Variants in WIZ observed in about 807,000 individuals in gnomAD.
WIZ encodes WIZ zinc finger.
Under a neutral mutation model 140.2 loss-of-function variants are expected in WIZ, and 25 were observed. That is an observed-to-expected ratio of 0.18 (90% CI 0.13 to 0.25). The LOEUF (loss-of-function observed/expected upper bound fraction) is 0.25. WIZ is among the 10% of genes least tolerant of loss of function. The probability of loss-of-function intolerance (pLI) is 1.00; values close to 1 mark genes in which losing one functional copy is unlikely to be tolerated. For synonymous variants in WIZ, 1,125 were observed against 1,154.3 expected (o/e 0.97, Z 0.51); for missense variants, 2,231 against 2,632.6 (o/e 0.85, Z 3.34).
chr19:15,444,723 A>G (rs1455064776), intron 2 of WIZ, among the ~76,000 whole-genome samples: 1 of 152,204 alleles, frequency 6.6e-6, no homozygotes, highest in African/African-American at 2.4e-5. Flanking sequence ...CAGGGGCTCT[A>G]GAGAACATGT....
At position 15,442,701 on chromosome 19, in the gene WIZ, A is replaced by G; in HGVS notation, c.253T>C (p.Ser85Pro). ...GLSEALPRVT[S>P]ATHRISSCCW... The stretch of plus-strand genomic sequence containing the variant: ...CAGCTGCTGATCCGATGGGTGGCGG[A>G]GGTGACACGGGGGAGGGCTTCGCTG... The change falls in exon 3 of 13, where the codon TCC becomes CCC. Residue 85 changes from serine (S) to proline (P), a missense_variant. Physicochemically the swap from Ser to Pro is moderately conservative, Grantham distance 74. Transcript: ENST00000673675. This position sits in a 1 kb window ranked among gnomAD's most constrained non-coding sequence, Gnocchi z 5.5. The G allele has an allele frequency of 8.1e-7, 1 of 1,232,478 alleles. No homozygotes were observed. Among genetic ancestry groups the G allele is most frequent in the Non-Finnish European group, 1.0e-6 (1 of 988,284 alleles). The allele number at this position is 1,232,478 out of a possible 1,614,324, so 76.3% of individuals were successfully genotyped here.
intron 3 of WIZ, among the ~76,000 whole-genome samples, chr19:15,441,661 C>G (rs750196317): frequency 1.3e-5 from 2 of 152,104 alleles, no homozygotes; most frequent in African/African-American, 2.4e-5. Context: ...ATGCCAATCA[C>G]GCTTATGGAA....
Position 15,440,958 on chromosome 19 carries a change from A to G in WIZ, c.279-243T>C, listed in dbSNP as rs529790331. ...TGTCCACAAAGCCTAGCCCCGCTGC[A>G]TTGTGGGGGAATGTACGGAGACCAC... On this transcript the variant is annotated intron_variant, in intron 3 of 12. Transcript: ENST00000673675. This position sits in a 1 kb window ranked among gnomAD's most constrained non-coding sequence, Gnocchi z 6.2. 1.1e-4 allele frequency among the ~76,000 whole-genome samples: 16 copies of G among 152,124 alleles called. No individual in the cohort carries two copies. The highest frequency in any genetic ancestry group is 1.5e-4 in the Non-Finnish European group (10 of 68,022).
At chr19:15,448,395 G>A (rs1969993825) in intron 1 of WIZ, 28 bp from the exon 2 acceptor site, 1 of 1,499,812 alleles carries the variant, frequency 6.7e-7, no homozygotes, top group Non-Finnish European at 9.0e-7. Context: ...GAAGTGCTTA[G>A]GGGATGGAGG....
intron 5 of WIZ, among the ~76,000 whole-genome samples, chr19:15,431,504 G>A (rs1232736838): frequency 6.6e-6 from 1 of 152,222 alleles, no homozygotes. Context: ...TTGTGAGGGG[G>A]AACGTCTGCC....
Position 15,428,445 on chromosome 19 carries a change from C to A in WIZ, c.3479G>T (p.Arg1160Leu), listed in dbSNP as rs866159349. 3.9e-6 allele frequency: 6 copies of A among 1,535,488 alleles called. No individual in the cohort carries two copies. The highest frequency in any genetic ancestry group is 1.7e-4 in the Middle Eastern group (1 of 6,010). Reference sequence around the variant, plus strand: ...ACGGGCGTGGCTAGACAGGCCCTTGCGGGTCTCAAACCAGGCACCGCACAG... The same window carrying A: ...ACGGGCGTGGCTAGACAGGCCCTTGAGGGTCTCAAACCAGGCACCGCACAG... ...CQLCGAWFET[R>L]KGLSSHARAH... is the part of the protein sequence containing the mutation. Residue 1160 changes from arginine (R) to leucine (L), a missense_variant, in exon 8 of 13, where the codon CGC becomes CTC. Physicochemically the swap from Arg to Leu is moderately radical, Grantham distance 102. This residue lies in a region of WIZ where 39 missense variants were observed against 74.9 expected (regional missense o/e 0.52). Transcript: ENST00000673675. This position sits in a 1 kb window ranked among gnomAD's most constrained non-coding sequence, Gnocchi z 6.4.
rs759144037 is a variant in WIZ at position 15,439,929 on chromosome 19, C to G, written c.1065G>C (p.Gly355=). ...PPADLAPLAC[G]ECGWAFADPT... ...GGTCAGCAAAGGCCCAGCCACACTC[C>G]CCGCAGGCCAGCGGGGCCAGGTCCG... Residue 355 remains glycine, a synonymous_variant, in exon 4 of 13, where the codon GGG becomes GGC. Transcript: ENST00000673675. The surrounding 1 kb of genome is among the most constrained non-coding windows in gnomAD (Gnocchi z 7.0). The G allele has an allele frequency of 1.3e-6, 2 of 1,532,394 alleles. No individual in the cohort carries two copies. Among genetic ancestry groups the G allele is most frequent in the Non-Finnish European group, 1.7e-6 (2 of 1,144,916 alleles). 94.9% of individuals were successfully genotyped at this position (1,532,394 alleles called of 1,614,324 possible).
At chr19:15,441,886 G>C (rs1969758656) in intron 3 of WIZ, among the ~76,000 whole-genome samples, 1 of 152,066 alleles carries the variant, frequency 6.6e-6, no homozygotes, top group Non-Finnish European at 1.5e-5. Flanking sequence ...TAGTAATCCT[G>C]ATAAACTTAC....
In WIZ at chr19:15,428,422, G is replaced by A. The variant is rs1232871704; in HGVS notation, c.3502C>T (p.Arg1168Cys). The stretch of plus-strand genomic sequence containing the variant: ...ACGCCCAGGTGGCGCAGGTGGGCAC[G>A]GGCGTGGCTAGACAGGCCCTTGCGG... ...ETRKGLSSHA[R>C]AHLRHLGVSD... The change falls in exon 8 of 13, where the codon CGT becomes TGT. Residue 1168 changes from arginine to cysteine, a missense_variant. Arg to Cys is a radical substitution (Grantham distance 180). Transcript: ENST00000673675. The surrounding 1 kb of genome is among the most constrained non-coding windows in gnomAD (Gnocchi z 6.4). The A allele has an allele frequency of 1.3e-6, 2 of 1,535,676 alleles. No individual in the cohort carries two copies. The highest frequency in any genetic ancestry group is 1.2e-5 in the South Asian group (1 of 84,054).
chr19:15,433,978 G>C (rs1969415308), intron 5 of WIZ, among the ~76,000 whole-genome samples: 1 of 152,248 alleles, frequency 6.6e-6, no homozygotes, highest in Non-Finnish European at 1.5e-5. Flanking sequence ...GAAGGGGCCG[G>C]GTGCGGTGGC....
In WIZ at chr19:15,439,508, C is replaced by T; in HGVS notation, c.1486G>A (p.Gly496Ser). Reference sequence around the variant, plus strand: ...GCAGGGTCTTCCTCATAAGCCTCGCCATCCTCCTCCCAGTGGGGATGGGCA... The same window carrying T: ...GCAGGGTCTTCCTCATAAGCCTCGCTATCCTCCTCCCAGTGGGGATGGGCA... ...VHAHPHWEED[G>S]EAYEEDPASQ... Residue 496 changes from glycine (G) to serine (S), a missense_variant, in exon 4 of 13, where the codon GGC becomes AGC. By Grantham distance (56) the Gly-to-Ser change is moderately conservative (BLOSUM62 0). Coordinates refer to ENST00000673675, the MANE Select transcript of WIZ (RefSeq NM_001371589.1). This position sits in a 1 kb window ranked among gnomAD's most constrained non-coding sequence, Gnocchi z 7.0. The T allele has an allele frequency of 2.6e-6, 4 of 1,534,574 alleles. No homozygotes were observed. Among genetic ancestry groups the T allele is most frequent in the Non-Finnish European group, 3.5e-6 (4 of 1,145,976 alleles).
At position 15,441,665 on chromosome 19, in the gene WIZ, T is replaced by C. The variant is rs1255762044; in HGVS notation, c.279-950A>G. Among the ~76,000 whole-genome samples the C allele has an allele frequency of 2.6e-5, 4 of 152,166 alleles. No homozygotes were observed. In the East Asian group the frequency reaches 5.8e-4, roughly 22 times the overall value. On this transcript the variant is annotated intron_variant, in intron 3 of 12. Coordinates refer to ENST00000673675, the MANE Select transcript of WIZ (RefSeq NM_001371589.1). ...TCCATCAGGGGATGCCAATCACGCT[T>C]ATGGAACAGATGTGGAAATGTTCCA...
intron 5 of WIZ, chr19:15,433,315 C>T (rs983444895): frequency 6.1e-6 from 6 of 985,362 alleles, no homozygotes; most frequent in Non-Finnish European, 7.2e-6. Context: ...CCAGCTGTTC[C>T]TTGACAGTTG....
In WIZ at chr19:15,424,546, G is replaced by A. The variant is rs896434521; in HGVS notation, c.5314+67C>T. ...ACTTAAGGGCCACAGCAGAGCGCCT[G>A]GGGAGTGGCTGGGTGGGCCTGACAG... is the stretch of plus-strand genomic sequence containing the variant. On this transcript the variant is annotated intron_variant, in intron 11 of 12. Coordinates refer to ENST00000673675, the MANE Select transcript of WIZ (RefSeq NM_001371589.1). The surrounding 1 kb of genome is among the most constrained non-coding windows in gnomAD (Gnocchi z 9.7). 1.6e-5 allele frequency: 25 copies of A among 1,536,596 alleles called. No homozygotes were observed. The African/African-American group carries it at 3.3e-4, about 20-fold the overall frequency.
At position 15,429,815 on chromosome 19, in the gene WIZ, C is replaced by T. The variant is rs1969106943; in HGVS notation, c.3186G>A (p.Leu1062=). 2.0e-6 allele frequency: 3 copies of T among 1,527,116 alleles called. No homozygotes were observed. The highest frequency in any genetic ancestry group is 2.6e-6 in the Non-Finnish European group (3 of 1,140,900). The allele number at this position is 1,527,116 out of a possible 1,614,324, so 94.6% of individuals were successfully genotyped here. A position where few individuals can be genotyped will look rare whatever the true frequency, so the allele number is the denominator to read the frequency against. Residue 1062 remains leucine, a synonymous_variant, in exon 7 of 13, where the codon TTG becomes TTA. Coordinates refer to ENST00000673675, the MANE Select transcript of WIZ (RefSeq NM_001371589.1). ...TGGCTTTGTTGACAGCAGGGGCATC[C>T]AAGGGCTTGGCCAGGCTGAGCAAGC... ...RPGLLSLAKP[L]DAPAVNKAIK...
At position 15,429,968 on chromosome 19, in the gene WIZ, T is replaced by G. The variant is rs746209132; in HGVS notation, c.3033A>C (p.Ala1011=). Reference sequence around the variant, plus strand: ...CAAGCTCGTAGAGGAGGTCGATGGGTGCGCCGCTGCTTTCCGACTCTGCCA... The same window carrying G: ...CAAGCTCGTAGAGGAGGTCGATGGGGGCGCCGCTGCTTTCCGACTCTGCCA... ...LGVAESESSG[A]PIDLLYELVK... The change falls in exon 7 of 13, where the codon GCA becomes GCC. Residue 1011 remains alanine (A), a synonymous_variant. Coordinates refer to ENST00000673675, the MANE Select transcript of WIZ (RefSeq NM_001371589.1). 1 of 1,535,888 alleles carries G rather than the reference T, an allele frequency of 6.5e-7. No homozygotes were observed. The highest frequency in any genetic ancestry group is 2.0e-5 in the Admixed American group (1 of 50,994).
At chr19:15,435,862 C>A (rs1330903376) in intron 5 of WIZ, among the ~76,000 whole-genome samples, 1 of 152,166 alleles carries the variant, frequency 6.6e-6, no homozygotes, top group East Asian at 1.9e-4. Flanking sequence ...GTAGCTCACG[C>A]CTGTAATCCC....
rs1968329939 is a variant in WIZ at position 15,420,541 on chromosome 19, G to A, written c.*2535C>T. 6.6e-6 allele frequency: 1 copy of A among 152,230 alleles called. No homozygotes were observed. The highest frequency in any genetic ancestry group is 2.4e-5 in the African/African-American group (1 of 41,444). 9.4% of individuals were successfully genotyped at this position (152,230 alleles called of 1,614,324 possible). Reference sequence around the variant, plus strand: ...CATCGCACTTGCCACAGTCATCATTGTACCGATTTGATTTCGTTCACATCC... The same window carrying A: ...CATCGCACTTGCCACAGTCATCATTATACCGATTTGATTTCGTTCACATCC... On this transcript the variant is annotated 3_prime_UTR_variant, in exon 13 of 13. Transcript: ENST00000673675.
intron 2 of WIZ, among the ~76,000 whole-genome samples, chr19:15,446,573 G>A (rs538248636): frequency 6.6e-6 from 1 of 152,166 alleles, no homozygotes; most frequent in Admixed American, 6.5e-5. Context: ...ACCTGCAGAT[G>A]CCACCAGCTA....
Sources: allele counts gnomAD v4.1 joint callset (sites outside exome capture counted in the v4.1 genomes callset), GRCh38; gene constraint gnomAD v4.1.1; regional missense constraint gnomAD v4.1.1; non-coding constraint Gnocchi (gnomAD v3.1); transcripts MANE v1.5; gene names NCBI Gene and HGNC (gene_info 2026-07-23, HGNC 2026-07-21).